STN1: variants seen among roughly 807,000 people sequenced by gnomAD.
The protein encoded by STN1 is CST complex subunit STN1.
A neutral mutation model predicts 45.5 loss-of-function variants in STN1; 29 were observed. That is an observed-to-expected ratio of 0.64 (90% CI 0.47 to 0.87). The LOEUF (loss-of-function observed/expected upper bound fraction) is 0.87. Among genes scored for constraint, STN1 ranks in the 40% least tolerant of loss-of-function variants. The pLI, the probability that STN1 is intolerant of heterozygous loss-of-function variation, is 0.00. For synonymous variants in STN1, 148 were observed against 159.0 expected, an observed-to-expected ratio of 0.93 and a Z score of 0.52; for missense variants, 376 against 441.4, an observed-to-expected ratio of 0.85 and a Z score of 1.33.
chr10:103,900,714 A>T (rs992713028), intron 4 of STN1, among the ~76,000 whole-genome samples: 15 of 148,194 alleles, frequency 1.0e-4, no homozygotes, highest in Non-Finnish European at 1.6e-4. Context: ...TCTCTCTCTC[A>T]CACACACACA....
intron 1 of STN1, 134 bp downstream of exon 1, chr10:103,917,966 G>A: frequency 5.3e-6 from 1 of 190,242 alleles, no homozygotes; most frequent in Non-Finnish European, 1.1e-5. Context: ...GGTCCCGGGA[G>A]GAACGGGCGC....
At chr10:103,892,839 C>T (rs550825422) in intron 7 of STN1, among the ~76,000 whole-genome samples, 2 of 152,320 alleles carry the variant, frequency 1.3e-5, no homozygotes, top group African/African-American at 4.8e-5. Flanking sequence ...GCTGTCAGCT[C>T]TCCCCCTCAC....
chr10:103,882,674 G>A lies in STN1; in HGVS notation c.*10C>T, dbSNP rs771869822. 1.4e-5 allele frequency: 22 copies of A among 1,598,360 alleles called. No individual in the cohort carries two copies. The highest frequency in any genetic ancestry group is 1.1e-4 in the South Asian group (10 of 89,596). On this transcript the variant is annotated 3_prime_UTR_variant, in exon 10 of 10. Coordinates refer to ENST00000224950, the MANE Select transcript of STN1 (RefSeq NM_024928.5). ...TCTTTGTCCTCCTCAGCTGGTCTGCGTGTCTCTGCTCAGAACGCTGTGTAG... is the reference window on the plus strand; with the variant it reads ...TCTTTGTCCTCCTCAGCTGGTCTGCATGTCTCTGCTCAGAACGCTGTGTAG...
At chr10:103,917,717 C>T in intron 1 of STN1, 61 bp from the exon 2 acceptor site, 1 of 1,118,146 alleles carries the variant, frequency 8.9e-7, no homozygotes, top group South Asian at 1.5e-5. Flanking sequence ...TGGCACGGCC[C>T]TGACGCTGCT....
In STN1 at chr10:103,882,642, C is replaced by T. The variant is rs1843076503; in HGVS notation, c.*42G>A. The T allele has an allele frequency of 1.3e-6, 2 of 1,563,090 alleles. No individual in the cohort carries two copies. Among genetic ancestry groups the T allele is most frequent in the Admixed American group, 1.8e-5 (1 of 55,114 alleles). On this transcript the variant is annotated 3_prime_UTR_variant, in exon 10 of 10. Coordinates refer to ENST00000224950, the MANE Select transcript of STN1 (RefSeq NM_024928.5). Reference sequence around the variant, plus strand: ...AAAGTCAGAGCCTGGGGGTGAATGCCACCTTATCTTTGTCCTCCTCAGCTG... The same window carrying T: ...AAAGTCAGAGCCTGGGGGTGAATGCTACCTTATCTTTGTCCTCCTCAGCTG...
At position 103,881,446 on chromosome 10, in the gene STN1, C is replaced by T. The variant is rs1320609365; in HGVS notation, c.*1238G>A. 6.6e-6 allele frequency among the ~76,000 whole-genome samples: 1 copy of T among 152,156 alleles called. No individual in the cohort carries two copies. The highest frequency in any genetic ancestry group is 1.5e-5 in the Non-Finnish European group (1 of 68,024). ...GTACACAGAGAAGATGCAGGGCAGCCACTACATAATCACTGTTAGAAATCA... is the reference window on the plus strand; with the variant it reads ...GTACACAGAGAAGATGCAGGGCAGCTACTACATAATCACTGTTAGAAATCA... On this transcript the variant is annotated 3_prime_UTR_variant, in exon 10 of 10. Coordinates refer to ENST00000224950, the MANE Select transcript of STN1 (RefSeq NM_024928.5).
chr10:103,914,374 A>ATATATTTTTTT (rs1554837551), intron 2 of STN1, among the ~76,000 whole-genome samples: 2 of 97,416 alleles, frequency 2.1e-5, no homozygotes, highest in African/African-American at 9.8e-5. Context: ...ATATATATAT[A>ATATATTTTTTT]TTTTTTTTTT....
At chr10:103,892,969 A>C (rs1400609512) in intron 7 of STN1, among the ~76,000 whole-genome samples, 1 of 152,128 alleles carries the variant, frequency 6.6e-6, no homozygotes, top group Non-Finnish European at 1.5e-5. Flanking sequence ...GCTTGACCAG[A>C]TGGGATGCTT....
At chr10:103,895,571 C>T (rs1843165772) in intron 7 of STN1, among the ~76,000 whole-genome samples, 1 of 152,198 alleles carries the variant, frequency 6.6e-6, no homozygotes, top group Non-Finnish European at 1.5e-5. Flanking sequence ...AACAAAGCAG[C>T]CAGTCGTGAC....
At position 103,914,357 on chromosome 10, in the gene STN1, TATATA is replaced by T. The variant is rs1843311962; in HGVS notation, c.133+3100_133+3104del. On this transcript the variant is annotated intron_variant, in intron 2 of 9. Coordinates refer to ENST00000224950, the MANE Select transcript of STN1 (RefSeq NM_024928.5). ...ATACATATATATATATATATATATATATATATATATATATATATTTTTTTTTTTTT... is the reference window on the plus strand; with the variant it reads ...ATACATATATATATATATATATATATTATATATATATATTTTTTTTTTTTT... Among the ~76,000 whole-genome samples, 13 of 76,384 alleles carry T rather than the reference TATATA, an allele frequency of 1.7e-4. 2 individuals carry two copies. Among genetic ancestry groups the T allele is most frequent in the African/African-American group, 3.3e-4 (5 of 15,186 alleles). 50.1% of individuals were successfully genotyped at this position (76,384 alleles called of 152,430 possible). A position where few individuals can be genotyped will look rare whatever the true frequency, so the allele number is the denominator to read the frequency against.
rs187800268 is a variant in STN1, at chr10:103,882,632, G to A, written c.*52C>T. The A allele has an allele frequency of 1.9e-5, 30 of 1,547,728 alleles. No homozygotes were observed. The Admixed American group carries it at 4.3e-4, about 22-fold the overall frequency. ...CATGATGCTGAAAGTCAGAGCCTGG[G>A]GGTGAATGCCACCTTATCTTTGTCC... On this transcript the variant is annotated 3_prime_UTR_variant, in exon 10 of 10. Coordinates refer to ENST00000224950, the MANE Select transcript of STN1 (RefSeq NM_024928.5).
At chr10:103,906,108 C>CA (rs1221682381) in intron 3 of STN1, among the ~76,000 whole-genome samples, 2 of 151,956 alleles carry the variant, frequency 1.3e-5, no homozygotes, top group Non-Finnish European at 2.9e-5. Context: ...AAGAAAAAGC[C>CA]AAAAAGAGTA....
intron 2 of STN1, among the ~76,000 whole-genome samples, chr10:103,914,579 C>G (rs1163463619): frequency 6.6e-6 from 1 of 151,234 alleles, no homozygotes; most frequent in East Asian, 1.9e-4. Context: ...GTCTTGAACT[C>G]TGGGCTCAAG....
rs149919798 is a variant in STN1 at position 103,900,122 on chromosome 10, G to A, written c.397C>T (p.Arg133Ter). The A allele has an allele frequency of 5.0e-5, 81 of 1,614,088 alleles. No homozygotes were observed. The highest frequency in any genetic ancestry group is 1.1e-4 in the East Asian group (5 of 44,866). ...KTKIEIGDTI[R>*]VRGSIRTYRE... The stretch of plus-strand genomic sequence containing the variant: ...TATGTGCGGATACTGCCTCTGACTC[G>A]GATCGTGTCCCCGATCTCTATCTTT... Residue 133 changes from arginine (R) to a stop codon, truncating the protein, a stop_gained, in exon 5 of 10, where the codon CGA becomes TGA. Coordinates refer to ENST00000224950, the MANE Select transcript of STN1 (RefSeq NM_024928.5). LOFTEE classifies it high-confidence loss of function.
chr10:103,882,777 G>T lies in STN1; in HGVS notation c.1014C>A (p.Gly338=). 1 of 1,614,178 alleles carries T rather than the reference G, an allele frequency of 6.2e-7. No individual in the cohort carries two copies. The highest frequency in any genetic ancestry group is 8.5e-7 in the Non-Finnish European group (1 of 1,180,044). Residue 338 remains glycine, a synonymous_variant, in exon 10 of 10, where the codon GGC becomes GGA. Coordinates refer to ENST00000224950, the MANE Select transcript of STN1 (RefSeq NM_024928.5). ...CTTGCTGCAGCACAGCCTCGCTCAG[G>T]CCCGGGCGGATGCTCAGGCGAGCAC... ...LACARLSIRP[G]LSEAVLQQVL... is the part of the protein sequence containing the mutation.
chr10:103,881,889 C>T lies in STN1; in HGVS notation c.*795G>A, dbSNP rs911259373. ...GTCTGGATGGTGTCAGCACATCCTG[C>T]ACACTCAGCGGCAACCCTGAAAATA... On this transcript the variant is annotated 3_prime_UTR_variant, in exon 10 of 10. Transcript: ENST00000224950. 1.3e-5 allele frequency among the ~76,000 whole-genome samples: 2 copies of T among 152,202 alleles called. No homozygotes were observed. Among genetic ancestry groups the T allele is most frequent in the African/African-American group, 4.8e-5 (2 of 41,450 alleles).
rs139327048 is a variant in STN1, at chr10:103,906,764, T to C, written c.230-1608A>G. On this transcript the variant is annotated intron_variant, in intron 3 of 9. Transcript: ENST00000224950. ...AAAAGAATATGCGATTCATGGAAGATCTAAAAATGGCCAATAAAAATACAT... is the reference window on the plus strand; with the variant it reads ...AAAAGAATATGCGATTCATGGAAGACCTAAAAATGGCCAATAAAAATACAT... Among the ~76,000 whole-genome samples, 960 of 152,176 alleles carry C rather than the reference T, an allele frequency of 6.3e-3. 9 individuals are homozygous for C. Among genetic ancestry groups the C allele is most frequent in the African/African-American group, 0.018 (767 of 41,512 alleles).
chr10:103,882,344 T>C lies in STN1; in HGVS notation c.*340A>G, dbSNP rs540828256. Among the ~76,000 whole-genome samples the C allele has an allele frequency of 5.9e-5, 9 of 152,350 alleles. No homozygotes were observed. Among genetic ancestry groups the C allele is most frequent in the African/African-American group, 9.6e-5 (4 of 41,584 alleles). ...ACTACCCTGTGGTGTCCCTTTGCCATGGAAGAGACTCCAACCACACACATC... is the reference window on the plus strand; with the variant it reads ...ACTACCCTGTGGTGTCCCTTTGCCACGGAAGAGACTCCAACCACACACATC... On this transcript the variant is annotated 3_prime_UTR_variant, in exon 10 of 10. Coordinates refer to ENST00000224950, the MANE Select transcript of STN1 (RefSeq NM_024928.5).
At chr10:103,901,159 G>A (rs898281523) in intron 4 of STN1, among the ~76,000 whole-genome samples, 6 of 152,160 alleles carry the variant, frequency 3.9e-5, no homozygotes, top group African/African-American at 1.4e-4. Context: ...ACATTTCCCA[G>A]TTACGGCTGG....
Sources: gnomAD v4.1 joint callset for allele counts (sites outside exome capture counted in the v4.1 genomes callset) on GRCh38, gnomAD v4.1.1 for gene constraint, MANE v1.5 for transcripts, NCBI Gene and HGNC (gene_info 2026-07-23, HGNC 2026-07-21) for gene names.